Variants in GLDC observed in about 807,000 individuals in gnomAD.
GLDC encodes glycine dehydrogenase (decarboxylating), mitochondrial.
Under a neutral mutation model 121.3 loss-of-function variants are expected in GLDC, and 104 were observed. That is an observed-to-expected ratio of 0.86 (90% CI 0.73 to 1.01). The LOEUF is 1.01. GLDC is among the 50% of genes least tolerant of loss of function. The probability of loss-of-function intolerance (pLI) is 0.00; values close to 1 mark genes in which losing one functional copy is unlikely to be tolerated. For missense variants in GLDC, 1,429 were observed against 1,306.6 expected (o/e 1.09, Z -1.44); for synonymous variants, 546 against 480.6 (o/e 1.14, Z -1.78).
intron 7 of GLDC, among the ~76,000 whole-genome samples, chr9:6,603,940 G>A (rs555591200): frequency 8.1e-4 from 123 of 152,076 alleles, no homozygotes; most frequent in African/African-American, 2.6e-3. Context: ...ATATTGGCCA[G>A]GCTCGTCTGG....
intron 16 of GLDC, among the ~76,000 whole-genome samples, chr9:6,560,300 C>A (rs1177566213): frequency 6.6e-6 from 1 of 152,160 alleles, no homozygotes; most frequent in Non-Finnish European, 1.5e-5. Flanking sequence ...GCTCTTTCCT[C>A]AAAAACAGCA....
intron 3 of GLDC, among the ~76,000 whole-genome samples, chr9:6,614,915 C>G (rs981827203): frequency 9.9e-5 from 15 of 152,108 alleles, no homozygotes; most frequent in African/African-American, 3.6e-4. Context: ...GGCAATTGTA[C>G]AACAATGGTT....
chr9:6,587,014 G>T (rs891589475), intron 15 of GLDC, 127 bp downstream of exon 15: 4 of 785,438 alleles, frequency 5.1e-6, no homozygotes, highest in African/African-American at 5.1e-5. Flanking sequence ...GCTCTCCCCA[G>T]TGGAGTGGAA....
At chr9:6,551,275 T>C (rs776614979) in intron 20 of GLDC, among the ~76,000 whole-genome samples, 2 of 152,226 alleles carry the variant, frequency 1.3e-5, no homozygotes, top group African/African-American at 2.4e-5. Flanking sequence ...TGAGAGGTCT[T>C]GATAATTGCC....
chr9:6,591,933 T>C, intron 11 of GLDC: 1 of 454,436 alleles, frequency 2.2e-6, no homozygotes, highest in Admixed American at 3.2e-5. Flanking sequence ...TCTTTCCAAC[T>C]AGCCTGGGTG....
chr9:6,563,483 T>C (rs536034693), intron 16 of GLDC, among the ~76,000 whole-genome samples: 7 of 152,194 alleles, frequency 4.6e-5, no homozygotes, highest in Admixed American at 3.3e-4. Flanking sequence ...TGGTGAAAGA[T>C]ACTAATGAAG....
At chr9:6,614,526 C>A (rs529122838) in intron 3 of GLDC, among the ~76,000 whole-genome samples, 1 of 151,238 alleles carries the variant, frequency 6.6e-6, no homozygotes, top group Non-Finnish European at 1.5e-5. Flanking sequence ...TGAGCCACCA[C>A]GCCCAGCTGA....
At position 6,594,953 on chromosome 9, in the gene GLDC, A is replaced by G. The variant is rs1306694678; in HGVS notation, c.1261+61T>C. 1.3e-5 allele frequency: 13 copies of G among 1,036,524 alleles called. No individual in the cohort carries two copies. The African/African-American group carries it at 1.6e-4, about 12-fold the overall frequency. The allele number at this position is 1,036,524 out of a possible 1,614,324, so 64.2% of individuals were successfully genotyped here. Reference sequence around the variant, plus strand: ...TAGTATTGGACATGCAATATTTTCAATTTTACTCAAATTTATCAATTTTAT... The same window carrying G: ...TAGTATTGGACATGCAATATTTTCAGTTTTACTCAAATTTATCAATTTTAT... On this transcript the variant is annotated intron_variant, in intron 9 of 24. Coordinates refer to ENST00000321612, the MANE Select transcript of GLDC (RefSeq NM_000170.3).
intron 14 of GLDC, 41 bp downstream of exon 14, chr9:6,588,360 G>C (rs760861422): frequency 4.2e-6 from 6 of 1,424,582 alleles, no homozygotes; most frequent in Admixed American, 1.7e-5. Flanking sequence ...CTAGAACACT[G>C]CCCCTTGCTG....
At chr9:6,565,628 C>G in intron 15 of GLDC, 199 bp from the exon 16 acceptor site, 1 of 659,672 alleles carries the variant, frequency 1.5e-6, no homozygotes, top group Non-Finnish European at 2.8e-6. Flanking sequence ...CAACAGCATC[C>G]AGTTTGTGCA....
At chr9:6,627,663 A>G (rs2129974212) in intron 2 of GLDC, among the ~76,000 whole-genome samples, 1 of 152,318 alleles carries the variant, frequency 6.6e-6, no homozygotes, top group East Asian at 1.9e-4. Flanking sequence ...CCATTCACTC[A>G]TCCATTGCCC....
chr9:6,623,999 A>C (rs12005123), intron 2 of GLDC, among the ~76,000 whole-genome samples: 2,302 of 152,326 alleles, frequency 0.015, 70 homozygotes, highest in African/African-American at 0.053. Flanking sequence ...CTCCAATGAC[A>C]ACAGTCTGTG....
Position 6,533,159 on chromosome 9 carries a change from G to T in GLDC, c.2921C>A (p.Pro974His), listed in dbSNP as rs1817037176. 2 of 1,613,404 alleles carry T rather than the reference G, an allele frequency of 1.2e-6. No individual in the cohort carries two copies. The highest frequency in any genetic ancestry group is 2.7e-5 in the African/African-American group (2 of 74,880). ...YSREVAAFPL[P>H]FVKPENKFWP... ...GAATTTGTTCTCTGGTTTCACGAAG[G>T]GCTGCAAAGGACAAAAGATGGAAAT... is the stretch of plus-strand genomic sequence containing the variant. The change falls in exon 25 of 25, where the codon CCC becomes CAC. Residue 974 changes from proline (P) to histidine (H), a missense_variant and splice_region_variant. Physicochemically the swap from Pro to His is moderately conservative, Grantham distance 77 (BLOSUM62 -2). Transcript: ENST00000321612.
At position 6,534,708 on chromosome 9, in the gene GLDC, G is replaced by C. The variant is rs113736090; in HGVS notation, c.2919C>G (p.Leu973=). 13 of 1,548,060 alleles carry C rather than the reference G, an allele frequency of 8.4e-6. No individual in the cohort carries two copies. The highest frequency in any genetic ancestry group is 6.8e-5 in the African/African-American group (5 of 73,682). The change falls in exon 24 of 25, where the codon CTC becomes CTG. Residue 973 remains leucine, a splice_region_variant and synonymous_variant. Coordinates refer to ENST00000321612, the MANE Select transcript of GLDC (RefSeq NM_000170.3). ...PYSREVAAFP[L]PFVKPENKFW... ...GCACATTCAGATTCAGAGAACTTAC[G>C]AGTGGGAATGCTGCCACCTCTCTGG...
At chr9:6,593,434 G>T (rs1160520362) in intron 9 of GLDC, among the ~76,000 whole-genome samples, 1 of 151,758 alleles carries the variant, frequency 6.6e-6, no homozygotes, top group Non-Finnish European at 1.5e-5. Context: ...AAGTAACTGG[G>T]ATCAAGGACT....
At chr9:6,557,974 T>G (rs1817672882) in intron 17 of GLDC, 1 of 195,024 alleles carries the variant, frequency 5.1e-6, no homozygotes, top group South Asian at 1.1e-4. Context: ...GTTCACAGTC[T>G]CCATGCCTAA....
chr9:6,638,343 T>C (rs1258669386), intron 2 of GLDC, among the ~76,000 whole-genome samples: 1 of 152,010 alleles, frequency 6.6e-6, no homozygotes, highest in South Asian at 2.1e-4. Flanking sequence ...GCGTCCCAAG[T>C]AGCTGGGATT....
intron 9 of GLDC, among the ~76,000 whole-genome samples, chr9:6,593,333 T>C (rs995281997): frequency 6.6e-6 from 1 of 151,260 alleles, no homozygotes; most frequent in Non-Finnish European, 1.5e-5. Context: ...CACTCTGTTG[T>C]CCAGGCTGGA....
chr9:6,624,111 A>G (rs1819181666), intron 2 of GLDC, among the ~76,000 whole-genome samples: 4 of 152,234 alleles, frequency 2.6e-5, no homozygotes, highest in South Asian at 2.1e-4. Flanking sequence ...TGGTGTGGAA[A>G]GGTCACTGAG....
Sources: gnomAD v4.1 joint callset for allele counts (sites outside exome capture counted in the v4.1 genomes callset) on GRCh38, gnomAD v4.1.1 for gene constraint, MANE v1.5 for transcripts, NCBI Gene and HGNC (gene_info 2026-07-23, HGNC 2026-07-21) for gene names.